The following SH3BGRL2 variants were observed in gnomAD, a reference collection of about 807,000 sequenced individuals.
The protein encoded by SH3BGRL2 is SH3 domain binding glutamate rich protein like 2.
SH3BGRL2 carries 21 observed loss-of-function variants against 14.8 expected under a neutral mutation model. The observed-to-expected ratio is 1.42, with a 90% CI of 1.01 to 2.05. The LOEUF (loss-of-function observed/expected upper bound fraction) is 2.05. Ranked by LOEUF, SH3BGRL2 falls within the 30% of genes most tolerant of loss-of-function variation. The pLI is 0.00. For missense variants in SH3BGRL2, 147 were observed against 130.8 expected (o/e 1.12, Z -0.61); for synonymous variants, 50 against 47.8 (o/e 1.05, Z -0.19).
the SH3BGRL2 span, among the ~76,000 whole-genome samples, chr6:79,566,224 AG>A: frequency 6.6e-6 from 1 of 152,212 alleles, no homozygotes; most frequent in African/African-American, 2.4e-5. Context: ...TCTGAATTCT[AG>A]GAGAGCATGG....
chr6:79,589,150 G>GA, the SH3BGRL2 span, among the ~76,000 whole-genome samples: 1 of 149,250 alleles, frequency 6.7e-6, no homozygotes, highest in African/African-American at 2.5e-5. Flanking sequence ...ATAATGACAA[G>GA]AAAAAAGGTC....
chr6:79,593,621 G>T, the SH3BGRL2 span, among the ~76,000 whole-genome samples: 1 of 152,158 alleles, frequency 6.6e-6, no homozygotes, highest in African/African-American at 2.4e-5. Context: ...TCCTGGTGTG[G>T]GGAGGAAAAA....
chr6:79,603,107 T>C, the SH3BGRL2 span, among the ~76,000 whole-genome samples: 1 of 152,208 alleles, frequency 6.6e-6, no homozygotes, highest in Non-Finnish European at 1.5e-5. Flanking sequence ...TGTTCTTGCC[T>C]ACCCTACACC....
chr6:79,662,789 A>G (rs1188547228), intron 1 of SH3BGRL2, among the ~76,000 whole-genome samples: 1 of 151,990 alleles, frequency 6.6e-6, no homozygotes, highest in African/African-American at 2.4e-5. Context: ...ACACCAATCA[A>G]ACGTAGATTT....
chr6:79,610,123 A>G, the SH3BGRL2 span, among the ~76,000 whole-genome samples: 61 of 152,334 alleles, frequency 4.0e-4, no homozygotes, highest in African/African-American at 1.4e-3. Context: ...GAGAAAAGGA[A>G]GGCACACTAT....
At chr6:79,626,156 A>G in the SH3BGRL2 span, among the ~76,000 whole-genome samples, 1 of 152,176 alleles carries the variant, frequency 6.6e-6, no homozygotes, top group African/African-American at 2.4e-5. Flanking sequence ...GCTGGCTAAC[A>G]CCTGTAATCC....
chr6:79,554,782 T>A, the SH3BGRL2 span, among the ~76,000 whole-genome samples: 1 of 152,126 alleles, frequency 6.6e-6, no homozygotes, highest in African/African-American at 2.4e-5. Context: ...TTCCCCTATT[T>A]GTAAAATGGA....
the SH3BGRL2 span, among the ~76,000 whole-genome samples, chr6:79,564,322 T>G: frequency 6.6e-6 from 1 of 152,302 alleles, no homozygotes; most frequent in Admixed American, 6.5e-5. Flanking sequence ...GACAATGACT[T>G]TATGCCTGGC....
At chr6:79,551,871 C>T in the SH3BGRL2 span, among the ~76,000 whole-genome samples, 2 of 152,108 alleles carry the variant, frequency 1.3e-5, no homozygotes, top group Non-Finnish European at 2.9e-5. Context: ...GGGTGGATCA[C>T]CTGAGGTCAG....
chr6:79,580,215 C>T, the SH3BGRL2 span, among the ~76,000 whole-genome samples: 2 of 152,156 alleles, frequency 1.3e-5, no homozygotes. Context: ...TTTAACACCC[C>T]ACTGTCACTT....
At chr6:79,684,023 C>G (rs6923178) in intron 2 of SH3BGRL2, among the ~76,000 whole-genome samples, 16,205 of 152,060 alleles carry the variant, frequency 0.11, 961 homozygotes, top group Non-Finnish European at 0.13. Context: ...GGAAAACAAA[C>G]AAACAAAAAA....
intron 1 of SH3BGRL2, among the ~76,000 whole-genome samples, chr6:79,656,476 C>T (rs1769420791): frequency 6.6e-6 from 1 of 152,082 alleles, no homozygotes; most frequent in African/African-American, 2.4e-5. Context: ...GAGTATATAC[C>T]ATGTGGAAAA....
the SH3BGRL2 span, among the ~76,000 whole-genome samples, chr6:79,565,206 C>T: frequency 6.6e-6 from 1 of 152,146 alleles, no homozygotes; most frequent in Non-Finnish European, 1.5e-5. Context: ...CAGTATTAAT[C>T]TCCATTCTCT....
chr6:79,689,547 A>G (rs75725312), intron 2 of SH3BGRL2, among the ~76,000 whole-genome samples: 1 of 152,246 alleles, frequency 6.6e-6, no homozygotes, highest in East Asian at 1.9e-4. Context: ...AAAATGTTAC[A>G]TATACACGGT....
At chr6:79,637,839 T>C (rs1484143678) in intron 1 of SH3BGRL2, among the ~76,000 whole-genome samples, 1 of 152,210 alleles carries the variant, frequency 6.6e-6, no homozygotes, top group Non-Finnish European at 1.5e-5. Flanking sequence ...GAAAAACATA[T>C]ATGATAATGT....
intron 1 of SH3BGRL2, among the ~76,000 whole-genome samples, chr6:79,660,772 A>G (rs943268785): frequency 6.6e-6 from 1 of 152,112 alleles, no homozygotes; most frequent in African/African-American, 2.4e-5. Context: ...CTGGTCCTGG[A>G]CTTTTTTTGG....
At chr6:79,615,903 G>A in the SH3BGRL2 span, among the ~76,000 whole-genome samples, 2 of 131,858 alleles carry the variant, frequency 1.5e-5, no homozygotes, top group South Asian at 2.4e-4. Flanking sequence ...TGCAATCTCC[G>A]CCTCCCAGGT....
intron 1 of SH3BGRL2, among the ~76,000 whole-genome samples, chr6:79,651,381 G>A (rs1208675337): frequency 7.9e-5 from 12 of 152,124 alleles, no homozygotes; most frequent in Admixed American, 7.2e-4. Flanking sequence ...TTTATGCTTG[G>A]CTGACTTTTT....
At chr6:79,624,983 C>T in the SH3BGRL2 span, among the ~76,000 whole-genome samples, 1,761 of 152,026 alleles carry the variant, frequency 0.012, 22 homozygotes, top group Non-Finnish European at 0.015. Context: ...TGAGCCCAGG[C>T]AACATAGACT....
Sources: allele counts gnomAD v4.1 joint callset (sites outside exome capture counted in the v4.1 genomes callset), GRCh38; gene constraint gnomAD v4.1.1; transcripts MANE v1.5; gene names NCBI Gene and HGNC (gene_info 2026-07-23, HGNC 2026-07-21).